AEBP2: variants seen among roughly 807,000 people sequenced by gnomAD.
AEBP2 encodes AE binding protein 2, also known as zinc finger protein AEBP2.
AEBP2 carries 10 observed loss-of-function variants against 50.8 expected under a neutral mutation model. The observed-to-expected ratio is 0.20, with a 90% CI of 0.12 to 0.33. AEBP2 has a LOEUF of 0.33. Ranked by LOEUF, AEBP2 falls within the 10% of genes least tolerant of loss-of-function variation. The pLI is 1.00. For synonymous variants in AEBP2, 296 were observed against 261.3 expected (o/e 1.13, Z -1.28); for missense variants, 570 against 688.0 (o/e 0.83, Z 1.92).
At chr12:19,456,082 A>T (rs57638143) in intron 1 of AEBP2, among the ~76,000 whole-genome samples, 11,316 of 152,234 alleles carry the variant, frequency 0.074, 491 homozygotes, top group South Asian at 0.2. Flanking sequence ...AAGAAAACCA[A>T]AGTGGTCCAC....
chr12:19,504,809 GCAATAGGTAT>G (rs1019355032), intron 5 of AEBP2, among the ~76,000 whole-genome samples: 2 of 152,086 alleles, frequency 1.3e-5, no homozygotes, highest in African/African-American at 4.8e-5. Context: ...AGAAAATGGA[GCAATAGGTAT>G]CAGTACATTC....
At position 19,473,277 on chromosome 12, in the gene AEBP2, A is replaced by G; in HGVS notation, c.909A>G (p.Lys303=). 6.6e-7 allele frequency: 1 copy of G among 1,510,500 alleles called. No homozygotes were observed. The highest frequency in any genetic ancestry group is 1.4e-5 in the African/African-American group (1 of 70,780). The allele number at this position is 1,510,500 out of a possible 1,614,324, so 93.6% of individuals were successfully genotyped here. A position where few individuals can be genotyped will look rare whatever the true frequency, so the allele number is the denominator to read the frequency against. ...GVFVCLWKGC[K]VYNTPSTSQS... ...TTGTTTGCTTATGGAAAGGTTGTAA[A>G]GTATATAACACTCCATCTACCAGTC... Residue 303 remains lysine (K), a synonymous_variant, in exon 3 of 8, where the codon AAA becomes AAG. Coordinates refer to ENST00000266508, the MANE Select transcript of AEBP2 (RefSeq NM_153207.5).
At chr12:19,460,696 C>T (rs573544070) in intron 1 of AEBP2, among the ~76,000 whole-genome samples, 1 of 148,630 alleles carries the variant, frequency 6.7e-6, no homozygotes, top group African/African-American at 2.5e-5. Flanking sequence ...GCTCTGTCGC[C>T]CAGGTTGGAG....
chr12:19,488,797 A>T (rs1715009477), intron 3 of AEBP2, among the ~76,000 whole-genome samples: 2 of 149,234 alleles, frequency 1.3e-5, no homozygotes, highest in South Asian at 4.2e-4. Flanking sequence ...CCACCAGCAT[A>T]TTTTTTTTTT....
intron 5 of AEBP2, among the ~76,000 whole-genome samples, chr12:19,502,300 A>AG (rs1949093694): frequency 6.6e-6 from 1 of 151,814 alleles, no homozygotes; most frequent in Non-Finnish European, 1.5e-5. Flanking sequence ...AGCCCAGCTA[A>AG]TTTTTGTATT....
At chr12:19,504,789 A>T (rs2120547498) in intron 5 of AEBP2, among the ~76,000 whole-genome samples, 1 of 152,328 alleles carries the variant, frequency 6.6e-6, no homozygotes, top group African/African-American at 2.4e-5. Flanking sequence ...TATTTAAAAA[A>T]AGGCAAGATA....
At position 19,521,382 on chromosome 12, in the gene AEBP2, C is replaced by T. The variant is rs924013890; in HGVS notation, c.*3265C>T. ...TGGGTTTTTAAAGTTATTAATAGTCCATCATTTCATCATTTGTGTTTCTGT... is the reference window on the plus strand; with the variant it reads ...TGGGTTTTTAAAGTTATTAATAGTCTATCATTTCATCATTTGTGTTTCTGT... On this transcript the variant is annotated 3_prime_UTR_variant, in exon 8 of 8. Coordinates refer to ENST00000266508, the MANE Select transcript of AEBP2 (RefSeq NM_153207.5). 2.6e-5 allele frequency: 4 copies of T among 151,980 alleles called. No homozygotes were observed. Among genetic ancestry groups the T allele is most frequent in the African/African-American group, 9.7e-5 (4 of 41,374 alleles). The allele number at this position is 151,980 out of a possible 1,614,324, so 9.4% of individuals were successfully genotyped here. A position where few individuals can be genotyped will look rare whatever the true frequency, so the allele number is the denominator to read the frequency against.
chr12:19,472,898 T>C (rs1368722209), intron 2 of AEBP2, among the ~76,000 whole-genome samples: 6 of 152,166 alleles, frequency 3.9e-5, no homozygotes, highest in Non-Finnish European at 8.8e-5. Flanking sequence ...ATTTTTCCTA[T>C]TTAAAATTAA....
chr12:19,444,582 T>C (rs1948024845), intron 1 of AEBP2, among the ~76,000 whole-genome samples: 1 of 152,216 alleles, frequency 6.6e-6, no homozygotes, highest in Non-Finnish European at 1.5e-5. Flanking sequence ...TTACTGCCTA[T>C]ATTTCAATTT....
chr12:19,502,631 T>A (rs1949098023), intron 5 of AEBP2, among the ~76,000 whole-genome samples: 1 of 151,962 alleles, frequency 6.6e-6, no homozygotes, highest in African/African-American at 2.4e-5. Flanking sequence ...CTGTCCTATT[T>A]CATTGGTCTG....
At chr12:19,450,231 G>A (rs1341060421) in intron 1 of AEBP2, among the ~76,000 whole-genome samples, 3 of 151,912 alleles carry the variant, frequency 2.0e-5, no homozygotes, top group African/African-American at 7.2e-5. Flanking sequence ...CCCTGGGAAG[G>A]AATGTTTGGA....
intron 1 of AEBP2, among the ~76,000 whole-genome samples, chr12:19,423,238 ACCT>A (rs1457162494): frequency 6.6e-6 from 1 of 151,908 alleles, no homozygotes; most frequent in Non-Finnish European, 1.5e-5. Context: ...AAACCCAGCA[ACCT>A]CCTACTTTCC....
intron 2 of AEBP2, among the ~76,000 whole-genome samples, chr12:19,470,109 G>A (rs1948547518): frequency 6.6e-6 from 1 of 151,870 alleles, no homozygotes; most frequent in Non-Finnish European, 1.5e-5. Flanking sequence ...TACAGGCTAA[G>A]AAAGAAAATA....
Position 19,464,489 on chromosome 12 carries a change from C to G in AEBP2, c.879+1772C>G, listed in dbSNP as rs1948435932. 2.0e-5 allele frequency among the ~76,000 whole-genome samples: 3 copies of G among 152,060 alleles called. No homozygotes were observed. In the South Asian group the frequency reaches 6.2e-4, roughly 31 times the overall value. The stretch of plus-strand genomic sequence containing the variant: ...CTTGGAATCCCACAAGTTGAGCTGG[C>G]ATACAACCTGATGAGAATTTCAGCC... On this transcript the variant is annotated intron_variant, in intron 2 of 7. Transcript: ENST00000266508.
chr12:19,501,135 G>A (rs905533413), intron 5 of AEBP2, among the ~76,000 whole-genome samples: 1 of 152,096 alleles, frequency 6.6e-6, no homozygotes, highest in African/African-American at 2.4e-5. Context: ...TTCGAGACCA[G>A]CCTGGCCAAC....
At chr12:19,413,598 T>C (rs1444596691) in intron 1 of AEBP2, 2 of 592,296 alleles carry the variant, frequency 3.4e-6, no homozygotes, top group African/African-American at 3.8e-5. Context: ...AAAAAAGAAA[T>C]AAAAGAATGG....
intron 3 of AEBP2, 24 bp downstream of exon 3, chr12:19,473,379 T>A (rs1565720297): frequency 4.9e-6 from 2 of 408,462 alleles, no homozygotes; most frequent in South Asian, 1.7e-4. Context: ...TATATAAAAT[T>A]TATTTATTTA....
chr12:19,493,818 A>G lies in AEBP2; in HGVS notation c.1006A>G (p.Asn336Asp), dbSNP rs1948930044. The change falls in exon 4 of 8, where the codon AAT becomes GAT. Residue 336 changes from asparagine (N) to aspartate (D), a missense_variant. By Grantham distance (23) the Asn-to-Asp change is conservative. Coordinates refer to ENST00000266508, the MANE Select transcript of AEBP2 (RefSeq NM_153207.5). ...CTTTTAGTGTGTTGTTGGTGGCTGC[A>G]ATGCCAGCTTTGCTTCTCAGGGAGG... ...KPFKCVVGGCNASFASQGGLA... is the reference protein window; with the variant it reads ...KPFKCVVGGCDASFASQGGLA... 1 of 1,613,644 alleles carries G rather than the reference A, an allele frequency of 6.2e-7. No homozygotes were observed. Among genetic ancestry groups the G allele is most frequent in the African/African-American group, 1.3e-5 (1 of 74,890 alleles).
At chr12:19,456,695 C>T (rs926244302) in intron 1 of AEBP2, 8 of 1,580,024 alleles carry the variant, frequency 5.1e-6, no homozygotes, top group Non-Finnish European at 7.0e-6. Flanking sequence ...CAGACACATT[C>T]TTGACATTGA....
Sources: allele counts gnomAD v4.1 joint callset (sites outside exome capture counted in the v4.1 genomes callset), GRCh38; gene constraint gnomAD v4.1.1; transcripts MANE v1.5; gene names NCBI Gene and HGNC (gene_info 2026-07-23, HGNC 2026-07-21).